The following LDLRAD3 variants were observed in gnomAD, a reference collection of about 807,000 sequenced individuals.
LDLRAD3 encodes the protein low density lipoprotein receptor class A domain containing 3.
In LDLRAD3, 20 loss-of-function variants were observed where a neutral mutation model predicts 29.4. That is an observed-to-expected ratio of 0.68 (90% CI 0.48 to 0.99). The LOEUF (loss-of-function observed/expected upper bound fraction) is 0.99. Ranked by LOEUF, LDLRAD3 falls within the 50% of genes least tolerant of loss-of-function variation. The probability of loss-of-function intolerance (pLI) is 0.00; values close to 1 mark genes in which losing one functional copy is unlikely to be tolerated. For synonymous variants in LDLRAD3, 157 were observed against 192.7 expected, an observed-to-expected ratio of 0.81 and a Z score of 1.53; for missense variants, 420 against 454.3, an observed-to-expected ratio of 0.92 and a Z score of 0.69.
At chr11:36,126,922 C>T (rs1224177698) in intron 4 of LDLRAD3, among the ~76,000 whole-genome samples, 6 of 152,108 alleles carry the variant, frequency 3.9e-5, no homozygotes, top group Non-Finnish European at 1.5e-5. Context: ...CCTGTGAACT[C>T]GACTGTGTAA....
intron 4 of LDLRAD3, among the ~76,000 whole-genome samples, chr11:36,183,124 G>A (rs1219338632): frequency 6.6e-6 from 1 of 152,182 alleles, no homozygotes; most frequent in African/African-American, 2.4e-5. Flanking sequence ...GTGGGACGTA[G>A]ACGGTGGGAT....
intron 4 of LDLRAD3, among the ~76,000 whole-genome samples, chr11:36,145,799 T>G (rs1443662771): frequency 3.3e-5 from 5 of 150,564 alleles, no homozygotes; most frequent in Non-Finnish European, 5.9e-5. Flanking sequence ...AACAGATGCT[T>G]GAAGGCAGCA....
At chr11:36,145,090 C>A (rs1382588036) in intron 4 of LDLRAD3, among the ~76,000 whole-genome samples, 2 of 108,656 alleles carry the variant, frequency 1.8e-5, no homozygotes, top group East Asian at 7.0e-4. Context: ...GCCAGCCGCC[C>A]CGTCCGGGAG....
chr11:36,121,468 T>C (rs1309595378), intron 4 of LDLRAD3, among the ~76,000 whole-genome samples: 2 of 152,122 alleles, frequency 1.3e-5, no homozygotes, highest in Non-Finnish European at 2.9e-5. Flanking sequence ...TGTAAGCACG[T>C]ACACCCAGGG....
At chr11:36,187,652 C>T (rs137896874) in intron 4 of LDLRAD3, among the ~76,000 whole-genome samples, 26 of 152,250 alleles carry the variant, frequency 1.7e-4, no homozygotes, top group East Asian at 7.7e-4. Flanking sequence ...ATCCCTTCTC[C>T]GCAATAAAAT....
intron 1 of LDLRAD3, among the ~76,000 whole-genome samples, chr11:35,970,133 C>T (rs1228552328): frequency 6.6e-6 from 1 of 152,222 alleles, no homozygotes; most frequent in Non-Finnish European, 1.5e-5. Flanking sequence ...ATTTAATCCT[C>T]TCACAATCAT....
intron 1 of LDLRAD3, among the ~76,000 whole-genome samples, chr11:35,955,026 C>T (rs1851183972): frequency 6.6e-6 from 1 of 152,242 alleles, no homozygotes; most frequent in Non-Finnish European, 1.5e-5. Context: ...GGGCAGATAA[C>T]TTGAGGCCAG....
intron 1 of LDLRAD3, among the ~76,000 whole-genome samples, chr11:36,013,746 C>T (rs1339640729): frequency 6.6e-6 from 1 of 151,212 alleles, no homozygotes; most frequent in Non-Finnish European, 1.5e-5. Flanking sequence ...GTTTCCTTTT[C>T]TTCTCAGGAG....
At chr11:36,076,390 C>T (rs1462551461) in intron 2 of LDLRAD3, among the ~76,000 whole-genome samples, 1 of 147,290 alleles carries the variant, frequency 6.8e-6, no homozygotes, top group Non-Finnish European at 1.5e-5. Flanking sequence ...AGCCTTCTCA[C>T]TGTCTTTTTT....
chr11:36,130,131 C>T (rs1853903766), intron 4 of LDLRAD3, among the ~76,000 whole-genome samples: 1 of 152,186 alleles, frequency 6.6e-6, no homozygotes, highest in East Asian at 1.9e-4. Flanking sequence ...AGTTGAGAGA[C>T]AGGCATTGAA....
At chr11:36,142,086 C>T (rs1296747565) in intron 4 of LDLRAD3, among the ~76,000 whole-genome samples, 1 of 152,176 alleles carries the variant, frequency 6.6e-6, no homozygotes, top group African/African-American at 2.4e-5. Context: ...TCGCCTCCCC[C>T]TTCTTCACTT....
At chr11:36,059,221 CT>C (rs1436706933) in intron 2 of LDLRAD3, among the ~76,000 whole-genome samples, 1 of 152,078 alleles carries the variant, frequency 6.6e-6, no homozygotes, top group Non-Finnish European at 1.5e-5. Flanking sequence ...AGAAAATTAG[CT>C]GGTCAGTAAT....
intron 2 of LDLRAD3, among the ~76,000 whole-genome samples, chr11:36,041,745 T>G (rs753104560): frequency 5.9e-5 from 9 of 152,162 alleles, no homozygotes; most frequent in Non-Finnish European, 1.3e-4. Context: ...AACCAAGTGG[T>G]TGAGGGGATC....
chr11:36,139,152 A>T (rs1200352675), intron 4 of LDLRAD3, among the ~76,000 whole-genome samples: 1 of 152,154 alleles, frequency 6.6e-6, no homozygotes, highest in Non-Finnish European at 1.5e-5. Flanking sequence ...TCTTTGTTGC[A>T]TTATAGAATG....
intron 3 of LDLRAD3, among the ~76,000 whole-genome samples, chr11:36,088,294 T>C (rs1853225357): frequency 6.6e-6 from 1 of 152,126 alleles, no homozygotes; most frequent in African/African-American, 2.4e-5. Context: ...AAACCCTGGG[T>C]TGGCTGGCAG....
At chr11:36,154,736 A>G (rs866612369) in intron 4 of LDLRAD3, among the ~76,000 whole-genome samples, 1 of 152,084 alleles carries the variant, frequency 6.6e-6, no homozygotes, top group Non-Finnish European at 1.5e-5. Flanking sequence ...TTCAGTTCCT[A>G]TTGGTTAATT....
At chr11:36,176,104 G>A (rs547129819) in intron 4 of LDLRAD3, among the ~76,000 whole-genome samples, 1 of 151,880 alleles carries the variant, frequency 6.6e-6, no homozygotes, top group Admixed American at 6.6e-5. Flanking sequence ...AGTCTGTTTT[G>A]TCTATAGCTA....
intron 1 of LDLRAD3, among the ~76,000 whole-genome samples, chr11:35,983,604 G>A (rs1048076922): frequency 2.0e-5 from 3 of 152,060 alleles, no homozygotes. Flanking sequence ...TTTGGAAAAA[G>A]GGTAATTAAG....
chr11:36,021,797 T>C (rs556042804), intron 1 of LDLRAD3, among the ~76,000 whole-genome samples: 1 of 152,168 alleles, frequency 6.6e-6, no homozygotes, highest in Non-Finnish European at 1.5e-5. Flanking sequence ...CACATGCCAC[T>C]ATGCCTGGCT....
Sources: gnomAD v4.1 joint callset for allele counts (sites outside exome capture counted in the v4.1 genomes callset) on GRCh38, gnomAD v4.1.1 for gene constraint, MANE v1.5 for transcripts, NCBI Gene and HGNC (gene_info 2026-07-23, HGNC 2026-07-21) for gene names.